Variants in UNC5C observed in about 807,000 individuals in gnomAD.
The protein encoded by UNC5C is netrin receptor UNC5C.
Under a neutral mutation model 99.8 loss-of-function variants are expected in UNC5C, and 47 were observed. The observed-to-expected ratio is 0.47, with a 90% CI of 0.37 to 0.60. The LOEUF (loss-of-function observed/expected upper bound fraction) is 0.60. Ranked by LOEUF, UNC5C falls within the 20% of genes least tolerant of loss-of-function variation. UNC5C has a pLI of 0.00. For synonymous variants in UNC5C, 487 were observed against 452.2 expected, an observed-to-expected ratio of 1.08 and a Z score of -0.98; for missense variants, 1,062 against 1,165.9, an observed-to-expected ratio of 0.91 and a Z score of 1.30.
chr4:95,286,470 G>A (rs1741237738), intron 3 of UNC5C, among the ~76,000 whole-genome samples: 1 of 152,148 alleles, frequency 6.6e-6, no homozygotes, highest in African/African-American at 2.4e-5. Context: ...GAGGCTGTGG[G>A]GAGCCATGCA....
chr4:95,430,867 G>T (rs1048477158), intron 1 of UNC5C, among the ~76,000 whole-genome samples: 4 of 152,006 alleles, frequency 2.6e-5, no homozygotes, highest in African/African-American at 9.7e-5. Flanking sequence ...GCTTACAGAA[G>T]TCCTAGTGGT....
At chr4:95,208,119 C>A (rs1737946259) in intron 10 of UNC5C, among the ~76,000 whole-genome samples, 1 of 152,080 alleles carries the variant, frequency 6.6e-6, no homozygotes, top group Admixed American at 6.6e-5. Flanking sequence ...AGTGGTGGCA[C>A]CTTGAACTCA....
rs771347599 is a variant in UNC5C, at chr4:95,202,768, C to T, written c.2099G>A (p.Arg700Gln). The change falls in exon 12 of 16, where the codon CGA (arginine) becomes CAA (glutamine). Residue 700 changes from arginine (R) to glutamine (Q), a missense_variant. Physicochemically the swap from Arg to Gln is conservative, Grantham distance 43. This residue lies in a region of UNC5C where 810 missense variants were observed against 854.5 expected (regional missense o/e 0.95). Coordinates refer to ENST00000453304, the MANE Select transcript of UNC5C (RefSeq NM_003728.4). ...LCCSSLEYSI[R>Q]VYCLDDTQDA... ...CTGGGTGTCATCCAGACAGTAGACT[C>T]GGATGCTGTACTCCAGCGAGGAGCA... 3.3e-5 allele frequency: 53 copies of T among 1,614,094 alleles called. No individual in the cohort carries two copies. The highest frequency in any genetic ancestry group is 5.0e-5 in the Admixed American group (3 of 60,004).
At chr4:95,329,532 C>A (rs1743031353) in intron 2 of UNC5C, among the ~76,000 whole-genome samples, 1 of 152,086 alleles carries the variant, frequency 6.6e-6, no homozygotes, top group South Asian at 2.1e-4. Flanking sequence ...TGCCTTTAAT[C>A]AACACTACAT....
chr4:95,353,032 C>T (rs138452138), intron 1 of UNC5C, among the ~76,000 whole-genome samples: 93 of 152,252 alleles, frequency 6.1e-4, no homozygotes, highest in African/African-American at 2.2e-3. Flanking sequence ...TTTGGTGATT[C>T]TATTTTCCAT....
At chr4:95,342,432 G>A (rs896758179) in intron 1 of UNC5C, among the ~76,000 whole-genome samples, 3 of 152,066 alleles carry the variant, frequency 2.0e-5, no homozygotes, top group African/African-American at 7.2e-5. Context: ...CTACTACCTT[G>A]AAGGGAAGGA....
chr4:95,408,772 TA>T (rs1173493926), intron 1 of UNC5C, among the ~76,000 whole-genome samples: 2 of 152,194 alleles, frequency 1.3e-5, no homozygotes, highest in African/African-American at 2.4e-5. Flanking sequence ...GAGAGATTTT[TA>T]AAGACAGAAA....
chr4:95,313,489 G>C (rs934927640), intron 2 of UNC5C, among the ~76,000 whole-genome samples: 4 of 152,110 alleles, frequency 2.6e-5, no homozygotes, highest in Non-Finnish European at 5.9e-5. Context: ...AATCATAAGT[G>C]TTAAGAGCAA....
intron 2 of UNC5C, among the ~76,000 whole-genome samples, chr4:95,303,025 G>A (rs1295911347): frequency 6.6e-6 from 1 of 152,148 alleles, no homozygotes; most frequent in African/African-American, 2.4e-5. Context: ...CATATGGTGA[G>A]CAGGAGGGAC....
chr4:95,303,487 C>A (rs1250150828), intron 2 of UNC5C, among the ~76,000 whole-genome samples: 1 of 151,988 alleles, frequency 6.6e-6, no homozygotes, highest in East Asian at 1.9e-4. Flanking sequence ...ACTAGTCTTG[C>A]CAACATGGTG....
In UNC5C at chr4:95,185,064, A is replaced by G. The variant is rs1453062318; in HGVS notation, c.2269T>C (p.Leu757=). ...DIAHSLWKSK[L]LAKYQEIPFY... is the part of the protein sequence containing the mutation. ...AACCTTACCTGATATTTAGCCAGCA[A>G]TTTGCTCTTCCAGAGGGAATGGGCG... The change falls in exon 13 of 16, where the codon TTG becomes CTG. Residue 757 remains leucine, a synonymous_variant. Transcript: ENST00000453304. 4.3e-6 allele frequency: 7 copies of G among 1,611,560 alleles called. No homozygotes were observed. The highest frequency in any genetic ancestry group is 5.9e-6 in the Non-Finnish European group (7 of 1,179,442).
At chr4:95,254,320 C>A (rs1739869743) in intron 4 of UNC5C, among the ~76,000 whole-genome samples, 1 of 152,178 alleles carries the variant, frequency 6.6e-6, no homozygotes, top group African/African-American at 2.4e-5. Flanking sequence ...ATGACCTTAT[C>A]CTCTAAGGTC....
intron 12 of UNC5C, among the ~76,000 whole-genome samples, chr4:95,201,291 A>T (rs898954543): frequency 1.3e-5 from 2 of 152,016 alleles, no homozygotes; most frequent in African/African-American, 4.8e-5. Context: ...CGCCCCATCC[A>T]TTGAGCGCTC....
At chr4:95,457,731 C>T (rs1370023339) in intron 1 of UNC5C, among the ~76,000 whole-genome samples, 1 of 151,910 alleles carries the variant, frequency 6.6e-6, no homozygotes, top group South Asian at 2.1e-4. Context: ...AAGGTAGACA[C>T]AGAAATAGAA....
At chr4:95,437,423 G>A (rs1022611211) in intron 1 of UNC5C, among the ~76,000 whole-genome samples, 7 of 151,606 alleles carry the variant, frequency 4.6e-5, no homozygotes, top group Non-Finnish European at 7.4e-5. Context: ...TCATAGTATC[G>A]TATAAATGAG....
rs1479345442 is a variant in UNC5C at position 95,166,083 on chromosome 4, A to G, written c.*3151T>C. On this transcript the variant is annotated 3_prime_UTR_variant, in exon 16 of 16. Coordinates refer to ENST00000453304, the MANE Select transcript of UNC5C (RefSeq NM_003728.4). ...CCCTTCGTCAAACACATTCTAGTGA[A>G]TATTAAACTCAGGTTAGATTGTGTT... The G allele has an allele frequency of 6.6e-6, 1 of 152,218 alleles. No homozygotes were observed. Among genetic ancestry groups the G allele is most frequent in the African/African-American group, 2.4e-5 (1 of 41,468 alleles). The allele number at this position is 152,218 out of a possible 1,614,324, so 9.4% of individuals were successfully genotyped here. A position where few individuals can be genotyped will look rare whatever the true frequency, so the allele number is the denominator to read the frequency against.
At chr4:95,384,471 C>T (rs1180045361) in intron 1 of UNC5C, among the ~76,000 whole-genome samples, 1 of 152,162 alleles carries the variant, frequency 6.6e-6, no homozygotes, top group Non-Finnish European at 1.5e-5. Context: ...ACTCTAAACA[C>T]TCACCACGTT....
intron 2 of UNC5C, among the ~76,000 whole-genome samples, chr4:95,311,605 C>T (rs965965931): frequency 1.3e-5 from 2 of 152,032 alleles, no homozygotes; most frequent in East Asian, 1.9e-4. Context: ...GTAATGTGTT[C>T]GTGGAAATCT....
intron 1 of UNC5C, among the ~76,000 whole-genome samples, chr4:95,542,634 C>CA (rs1372550535): frequency 1.1e-4 from 17 of 151,876 alleles, no homozygotes; most frequent in Non-Finnish European, 2.5e-4. Context: ...ATGCTCAAAA[C>CA]AAAAAACCAC....
Sources: allele counts gnomAD v4.1 joint callset (sites outside exome capture counted in the v4.1 genomes callset), GRCh38; gene constraint gnomAD v4.1.1; regional missense constraint gnomAD v4.1.1; transcripts MANE v1.5; gene names NCBI Gene and HGNC (gene_info 2026-07-23, HGNC 2026-07-21).